Variants in ZNF75A observed in about 807,000 individuals in gnomAD.
ZNF75A encodes zinc finger protein 75A.
Under a neutral mutation model 46.3 loss-of-function variants are expected in ZNF75A, and 36 were observed. The ratio of observed to expected loss-of-function variants is 0.78; its 90% CI spans 0.60 to 1.03. ZNF75A has a LOEUF of 1.03. ZNF75A is among the 50% of genes least tolerant of loss of function. ZNF75A has a pLI of 0.00. For missense variants in ZNF75A, 595 were observed against 551.3 expected (o/e 1.08, Z -0.79); for synonymous variants, 234 against 189.9 (o/e 1.23, Z -1.91).
At chr16:3,314,522 C>G (rs1261229319) in intron 5 of ZNF75A, among the ~76,000 whole-genome samples, 1 of 152,256 alleles carries the variant, frequency 6.6e-6, no homozygotes, top group Admixed American at 6.5e-5. Context: ...AGGTTCTACC[C>G]TGGACAATTA....
In ZNF75A at chr16:3,305,663, C is replaced by T. The variant is rs991174624; in HGVS notation, c.-117+20C>T. 7.2e-5 allele frequency: 11 copies of T among 152,342 alleles called. No individual in the cohort carries two copies. The highest frequency in any genetic ancestry group is 2.6e-4 in the African/African-American group (11 of 41,582). 9.4% of individuals were successfully genotyped at this position (152,342 alleles called of 1,614,324 possible). Reference sequence around the variant, plus strand: ...GCCGAGGTAACCGAGAAGCGGCTTCCCCTATGGCTTCGACCCTGGAGCCGC... The same window carrying T: ...GCCGAGGTAACCGAGAAGCGGCTTCTCCTATGGCTTCGACCCTGGAGCCGC... On this transcript the variant is annotated intron_variant, in intron 1 of 6. Coordinates refer to ENST00000669516, the MANE Select transcript of ZNF75A (RefSeq NM_001302109.2).
rs755863542 is a variant in ZNF75A, at chr16:3,317,185, A to G, written c.935-5A>G. On this transcript the variant is annotated splice_region_variant and splice_polypyrimidine_tract_variant and intron_variant, in intron 6 of 6. Coordinates refer to ENST00000669516, the MANE Select transcript of ZNF75A (RefSeq NM_001302109.2). The stretch of plus-strand genomic sequence containing the variant: ...ACAGATGTGTGATTATGTTTATTCC[A>G]ACAGGGTTAAAGCTCAAAAACGACA... The G allele has an allele frequency of 1.9e-6, 3 of 1,602,400 alleles. No individual in the cohort carries two copies. The highest frequency in any genetic ancestry group is 2.3e-5 in the South Asian group (2 of 88,884).
At chr16:3,305,977 C>G (rs930261892) in intron 1 of ZNF75A, 1 of 152,250 alleles carries the variant, frequency 6.6e-6, no homozygotes, top group Non-Finnish European at 1.5e-5. Flanking sequence ...CCCGCCTCCG[C>G]CGGCATTTCC....
rs186631535 is a variant in ZNF75A, at chr16:3,311,650, G to A, written c.409-103G>A. Reference sequence around the variant, plus strand: ...GCCTTTTTTTGTCATTTTTTTTAGTGTCTTATACTACCCACAATGTGGGCT... The same window carrying A: ...GCCTTTTTTTGTCATTTTTTTTAGTATCTTATACTACCCACAATGTGGGCT... On this transcript the variant is annotated intron_variant, in intron 2 of 6. Transcript: ENST00000669516. The A allele has an allele frequency of 6.0e-6, 3 of 499,868 alleles. No individual in the cohort carries two copies. In the East Asian group the frequency reaches 4.5e-4, roughly 75 times the overall value. 31.0% of individuals were successfully genotyped at this position (499,868 alleles called of 1,614,324 possible). A position where few individuals can be genotyped will look rare whatever the true frequency, so the allele number is the denominator to read the frequency against.
At chr16:3,310,140 G>A (rs8054928) in intron 2 of ZNF75A, among the ~76,000 whole-genome samples, 50,705 of 151,712 alleles carry the variant, frequency 0.33, 10,112 homozygotes, top group African/African-American at 0.54. Flanking sequence ...TCACATCTGT[G>A]ATCTCAGCAC....
intron 5 of ZNF75A, chr16:3,314,860 G>A (rs4786402): frequency 5.1e-6 from 5 of 985,288 alleles, no homozygotes; most frequent in Admixed American, 1.2e-4. Context: ...CTGTAAGACT[G>A]TCATTTGTCT....
intron 1 of ZNF75A, chr16:3,306,040 C>G (rs1314685211): frequency 6.6e-6 from 1 of 152,232 alleles, no homozygotes; most frequent in African/African-American, 2.4e-5. Context: ...GCAGCTTCTA[C>G]TGATGCAAAA....
rs900628133 is a variant in ZNF75A at position 3,311,923 on chromosome 16, A to G, written c.579A>G (p.Lys193=). 42 of 987,436 alleles carry G rather than the reference A, an allele frequency of 4.3e-5. No individual in the cohort carries two copies. The highest frequency in any genetic ancestry group is 4.9e-5 in the Non-Finnish European group (41 of 830,618). The allele number at this position is 987,436 out of a possible 1,614,324, so 61.2% of individuals were successfully genotyped here. A position where few individuals can be genotyped will look rare whatever the true frequency, so the allele number is the denominator to read the frequency against. The change falls in exon 3 of 7, where the codon AAA becomes AAG. Residue 193 remains lysine (K), a synonymous_variant. Coordinates refer to ENST00000669516, the MANE Select transcript of ZNF75A (RefSeq NM_001302109.2). ...LQEQLSRNTH[K]ETEPVYERAV... is the part of the protein sequence containing the mutation. ...AACAGCTCAGCAGGAATACTCATAA[A>G]GAGACTGAGCCTGTGTATGAGAGGG...
chr16:3,317,928 A>G lies in ZNF75A; in HGVS notation c.*59A>G. 1 of 1,503,414 alleles carries G rather than the reference A, an allele frequency of 6.7e-7. No individual in the cohort carries two copies. The highest frequency in any genetic ancestry group is 1.4e-5 in the South Asian group (1 of 73,164). The allele number at this position is 1,503,414 out of a possible 1,614,324, so 93.1% of individuals were successfully genotyped here. A position where few individuals can be genotyped will look rare whatever the true frequency, so the allele number is the denominator to read the frequency against. ...CATTCACCAAATGGAGCTTGGCACT[A>G]AAATTTATGTAAAAGAAAAATCACA... On this transcript the variant is annotated 3_prime_UTR_variant, in exon 7 of 7. Transcript: ENST00000669516.
rs139192836 is a variant in ZNF75A at position 3,308,568 on chromosome 16, C to G, written c.140C>G (p.Ser47Cys). 1 of 985,924 alleles carries G rather than the reference C, an allele frequency of 1.0e-6. No homozygotes were observed. Among genetic ancestry groups the G allele is most frequent in the Non-Finnish European group, 1.2e-6 (1 of 829,982 alleles). 61.1% of individuals were successfully genotyped at this position (985,924 alleles called of 1,614,324 possible). The change falls in exon 2 of 7, where the codon TCT becomes TGT. Residue 47 changes from serine to cysteine, a missense_variant. By Grantham distance (112) the Ser-to-Cys change is moderately radical (BLOSUM62 -1). Transcript: ENST00000669516. The part of the protein sequence containing the change: ...PQMDCLDPKS[S>C]CWHFRNFTYD... ...ATGGACTGTCTCGATCCTAAGAGCT[C>G]TTGCTGGCACTTCCGGAATTTCACC...
chr16:3,311,698 A>AC, intron 2 of ZNF75A, 55 bp from the exon 3 acceptor site: 1 of 974,320 alleles, frequency 1.0e-6, no homozygotes, highest in Non-Finnish European at 1.2e-6. Context: ...CTCTGCCTCC[A>AC]CCCCCACAAA....
chr16:3,314,171 C>G (rs949417860), intron 5 of ZNF75A, among the ~76,000 whole-genome samples: 2 of 152,020 alleles, frequency 1.3e-5, no homozygotes, highest in Middle Eastern at 6.3e-3. Flanking sequence ...TACAAAGAAC[C>G]AAGTGGTTAC....
At chr16:3,320,735 C>T (rs1296001399), downstream of ZNF75A, among the ~76,000 whole-genome samples, 1 of 152,194 alleles carries the variant, frequency 6.6e-6, no homozygotes, top group East Asian at 1.9e-4. Flanking sequence ...TTGCCTTCCT[C>T]ATATGCATGC....
At chr16:3,320,043 C>T (rs1406007061), downstream of ZNF75A, among the ~76,000 whole-genome samples, 1 of 150,892 alleles carries the variant, frequency 6.6e-6, no homozygotes, top group African/African-American at 2.5e-5. Context: ...CATAACCTGC[C>T]CTATCTTTTT....
Position 3,317,590 on chromosome 16 carries a change from T to C in ZNF75A, c.1335T>C (p.Leu445=), listed in dbSNP as rs1961318540. 6.2e-7 allele frequency: 1 copy of C among 1,614,184 alleles called. No individual in the cohort carries two copies. The highest frequency in any genetic ancestry group is 8.5e-7 in the Non-Finnish European group (1 of 1,180,042). ...CDKRFRWSSD[L]NKHLTTHQGI... is the part of the protein sequence containing the mutation. The stretch of plus-strand genomic sequence containing the variant: ...AGAGGTTTAGATGGAGTTCAGATCT[T>C]AATAAGCACTTAACAACACACCAAG... The change falls in exon 7 of 7, where the codon CTT becomes CTC. Residue 445 remains leucine, a synonymous_variant. Transcript: ENST00000669516.
Position 3,316,582 on chromosome 16 carries a change from G to A in ZNF75A, c.824-330G>A, listed in dbSNP as rs185146563. 1.6e-5 allele frequency: 3 copies of A among 183,486 alleles called. No individual in the cohort carries two copies. In the East Asian group the frequency reaches 4.4e-4, roughly 27 times the overall value. The allele number at this position is 183,486 out of a possible 1,614,324, so 11.4% of individuals were successfully genotyped here. A position where few individuals can be genotyped will look rare whatever the true frequency, so the allele number is the denominator to read the frequency against. ...TCCTTCTGAAGAGTTAATAAGACCA[G>A]CTTATATTCCCTGCAACTTCTGGAG... On this transcript the variant is annotated intron_variant, in intron 5 of 6. Coordinates refer to ENST00000669516, the MANE Select transcript of ZNF75A (RefSeq NM_001302109.2).
intron 2 of ZNF75A, chr16:3,310,654 A>C (rs1960696481): frequency 2.0e-6 from 2 of 985,574 alleles, no homozygotes; most frequent in East Asian, 2.3e-4. Flanking sequence ...CAAAAAAAAC[A>C]ACTAGGGGAA....
chr16:3,319,117 A>T (rs1411243299), downstream of ZNF75A, among the ~76,000 whole-genome samples: 4 of 151,880 alleles, frequency 2.6e-5, no homozygotes, highest in African/African-American at 9.7e-5. Flanking sequence ...CAAACCTCTT[A>T]TTTTATTTTT....
chr16:3,310,516 T>A (rs1960679161), intron 2 of ZNF75A: 1 of 232,940 alleles, frequency 4.3e-6, no homozygotes, highest in Non-Finnish European at 7.0e-6. Flanking sequence ...TCCCAGCCAC[T>A]CGGGAGGCTG....
Sources: allele counts gnomAD v4.1 joint callset (sites outside exome capture counted in the v4.1 genomes callset), GRCh38; gene constraint gnomAD v4.1.1; transcripts MANE v1.5; gene names NCBI Gene and HGNC (gene_info 2026-07-23, HGNC 2026-07-21).